The following ELFN2 variants were observed in gnomAD, a reference collection of about 807,000 sequenced individuals.
ELFN2 encodes protein phosphatase 1 regulatory subunit 29.
Under a neutral mutation model 45.5 loss-of-function variants are expected in ELFN2, and 17 were observed. The ratio of observed to expected loss-of-function variants is 0.37; its 90% CI spans 0.26 to 0.56. The LOEUF is 0.56. Among genes scored for constraint, ELFN2 ranks in the 20% least tolerant of loss-of-function variants. ELFN2 has a pLI of 0.77. For synonymous variants in ELFN2, 550 were observed against 551.5 expected, an observed-to-expected ratio of 1.00 and a Z score of 0.04; for missense variants, 922 against 1,183.2, an observed-to-expected ratio of 0.78 and a Z score of 3.24.
At chr22:37,385,948 C>A (rs1256345173) in intron 2 of ELFN2, among the ~76,000 whole-genome samples, 3 of 152,162 alleles carry the variant, frequency 2.0e-5, no homozygotes, top group Non-Finnish European at 4.4e-5. Context: ...TGTGGGTCAC[C>A]AATTCTACAG....
intron 1 of ELFN2, among the ~76,000 whole-genome samples, chr22:37,347,164 G>C (rs1930717260): frequency 6.6e-6 from 1 of 151,996 alleles, no homozygotes; most frequent in South Asian, 2.1e-4. Flanking sequence ...TTTTAGTAGA[G>C]ATGGGGGTTT....
At chr22:37,362,190 G>A (rs922535993) in intron 1 of ELFN2, among the ~76,000 whole-genome samples, 1 of 152,358 alleles carries the variant, frequency 6.6e-6, no homozygotes, top group African/African-American at 2.4e-5. Flanking sequence ...GTGGGGAAGA[G>A]CAGGGGGCTA....
chr22:37,410,420 A>G (rs774680011), intron 2 of ELFN2, among the ~76,000 whole-genome samples: 27 of 152,246 alleles, frequency 1.8e-4, no homozygotes, highest in Non-Finnish European at 4.0e-4. Context: ...CAGCCTGCCC[A>G]CGAGTGCGGG....
intron 1 of ELFN2, among the ~76,000 whole-genome samples, chr22:37,420,903 G>C (rs1932804883): frequency 6.6e-6 from 1 of 152,132 alleles, no homozygotes; most frequent in Non-Finnish European, 1.5e-5. Context: ...GGCTCCGGAG[G>C]GTTCTGGGAG....
At chr22:37,393,062 C>T (rs1932124174) in intron 2 of ELFN2, among the ~76,000 whole-genome samples, 1 of 152,206 alleles carries the variant, frequency 6.6e-6, no homozygotes, top group African/African-American at 2.4e-5. Context: ...CAGAGGGGGA[C>T]AGCGCCCAGG....
At chr22:37,357,990 T>C (rs537669202) in intron 1 of ELFN2, among the ~76,000 whole-genome samples, 1 of 152,302 alleles carries the variant, frequency 6.6e-6, no homozygotes, top group East Asian at 1.9e-4. Context: ...AAGCCCCATT[T>C]TCTCACTCAT....
At chr22:37,350,605 C>A (rs1295332284) in intron 1 of ELFN2, among the ~76,000 whole-genome samples, 1 of 150,736 alleles carries the variant, frequency 6.6e-6, no homozygotes, top group Non-Finnish European at 1.5e-5. Context: ...CGGGCCTGGT[C>A]CCCTGGAGGC....
downstream of ELFN2, among the ~76,000 whole-genome samples, chr22:37,365,700 C>G (rs1447124487): frequency 6.6e-6 from 1 of 152,182 alleles, no homozygotes; most frequent in Non-Finnish European, 1.5e-5. Flanking sequence ...GTTTGCAGCA[C>G]CCAGGTCCTT....
Position 37,375,529 on chromosome 22 carries a change from C to T in ELFN2, c.6G>A (p.Leu2=). ...GCGCCGCCGCGCACAGCCCCAGGCG[C>T]AGCATGGCGCTGGCCTCGGAGTGAG... M[L]RLGLCAAALL... Residue 2 remains leucine, a synonymous_variant, in exon 3 of 3, where the codon CTG becomes CTA. Coordinates refer to ENST00000402918, the MANE Select transcript of ELFN2 (RefSeq NM_052906.5). 1.3e-6 allele frequency: 2 copies of T among 1,550,396 alleles called. No homozygotes were observed. Among genetic ancestry groups the T allele is most frequent in the Non-Finnish European group, 1.7e-6 (2 of 1,147,208 alleles).
chr22:37,405,089 C>CTTTTTTTTT lies in ELFN2; in HGVS notation c.-463+12679_-463+12680insAAAAAAAAA, dbSNP rs1491573989. 2.0e-4 allele frequency among the ~76,000 whole-genome samples: 24 copies of CTTTTTTTTT among 121,536 alleles called. 1 individual carries two copies. Among genetic ancestry groups the CTTTTTTTTT allele is most frequent in the Non-Finnish European group, 2.9e-4 (18 of 61,032 alleles). The allele number at this position is 121,536 out of a possible 152,430, so 79.7% of individuals were successfully genotyped here. A position where few individuals can be genotyped will look rare whatever the true frequency, so the allele number is the denominator to read the frequency against. ...GGCCCCTCACCTCCCTGAACCTCAGCATTTTTTTTTTTTTTTTTTTTTTGA... is the reference window on the plus strand; with the variant it reads ...GGCCCCTCACCTCCCTGAACCTCAGCTTTTTTTTTATTTTTTTTTTTTTTTTTTTTTTGA... On this transcript the variant is annotated intron_variant, in intron 2 of 2. Coordinates refer to ENST00000402918, the MANE Select transcript of ELFN2 (RefSeq NM_052906.5).
rs149233557 is a variant in ELFN2, at chr22:37,372,462, C to T, written c.*610G>A. ...TCCACAAGAGAGCTGCAGGGGGTTC[C>T]GGGACAGCACTGGGCTGGGAAGTTG... On this transcript the variant is annotated 3_prime_UTR_variant, in exon 3 of 3. Transcript: ENST00000402918. This position sits in a 1 kb window ranked among gnomAD's most constrained non-coding sequence, Gnocchi z 4.4. 2.4e-3 allele frequency: 372 copies of T among 152,684 alleles called. 2 individuals are homozygous for T. Among genetic ancestry groups the T allele is most frequent in the Non-Finnish European group, 3.5e-3 (240 of 68,340 alleles). The allele number at this position is 152,684 out of a possible 1,614,324, so 9.5% of individuals were successfully genotyped here.
chr22:37,349,494 C>T (rs1344774910), intron 1 of ELFN2, among the ~76,000 whole-genome samples: 1 of 151,248 alleles, frequency 6.6e-6, no homozygotes, highest in Non-Finnish European at 1.5e-5. Flanking sequence ...GCGTCTGCTC[C>T]CTCCTACAGC....
chr22:37,426,015 T>C (rs1932845902), intron 1 of ELFN2, among the ~76,000 whole-genome samples: 1 of 150,906 alleles, frequency 6.6e-6, no homozygotes, highest in Admixed American at 6.6e-5. Context: ...AGCACCCCAC[T>C]CCCTCCAGCT....
chr22:37,362,011 C>T (rs1487226712), intron 1 of ELFN2, among the ~76,000 whole-genome samples: 2 of 152,220 alleles, frequency 1.3e-5, no homozygotes, highest in African/African-American at 2.4e-5. Flanking sequence ...GGTCATCTCT[C>T]ATGCCTAGGA....
chr22:37,397,758 C>T (rs1601760641), intron 2 of ELFN2, among the ~76,000 whole-genome samples: 1 of 151,886 alleles, frequency 6.6e-6, no homozygotes, highest in African/African-American at 2.4e-5. Context: ...CTTCTTCTTA[C>T]ATTGGATCCA....
chr22:37,375,496 G>A lies in ELFN2; in HGVS notation c.39C>T (p.Cys13=), dbSNP rs746804136. The A allele has an allele frequency of 9.5e-6, 15 of 1,580,512 alleles. No homozygotes were observed. Among genetic ancestry groups the A allele is most frequent in the African/African-American group, 2.7e-5 (2 of 74,036 alleles). The change falls in exon 3 of 3, where the codon TGC becomes TGT. Residue 13 remains cysteine, a synonymous_variant. Transcript: ENST00000402918. ...RLGLCAAALL[C]VCRPGAVRAD... ...CACGCACGGCACCCGGCCGGCACAC[G>A]CACAGCAGCGCCGCCGCGCACAGCC...
At chr22:37,357,893 G>T (rs1168146320) in intron 1 of ELFN2, among the ~76,000 whole-genome samples, 3 of 152,150 alleles carry the variant, frequency 2.0e-5, no homozygotes, top group Admixed American at 6.5e-5. Context: ...AGCAGCACGA[G>T]CGTGGCCACC....
At chr22:37,360,244 G>A (rs182509888) in intron 1 of ELFN2, among the ~76,000 whole-genome samples, 11 of 152,324 alleles carry the variant, frequency 7.2e-5, no homozygotes, top group African/African-American at 9.6e-5. Context: ...ATTTATGGGT[G>A]TAGAGGCAGC....
In ELFN2 at chr22:37,375,959, T is replaced by C. The variant is rs2145638343; in HGVS notation, c.-425A>G. 2 of 224,688 alleles carry C rather than the reference T, an allele frequency of 8.9e-6. No homozygotes were observed. The highest frequency in any genetic ancestry group is 1.9e-4 in the South Asian group (2 of 10,680). 13.9% of individuals were successfully genotyped at this position (224,688 alleles called of 1,614,324 possible). A position where few individuals can be genotyped will look rare whatever the true frequency, so the allele number is the denominator to read the frequency against. On this transcript the variant is annotated 5_prime_UTR_variant, in exon 3 of 3. Coordinates refer to ENST00000402918, the MANE Select transcript of ELFN2 (RefSeq NM_052906.5). ...CGCACTGAGCCAGGAGTGAGAGAGA[T>C]GGGGGCAGGAAGGAAGAGACCCATC...
Sources: gnomAD v4.1 joint callset for allele counts (sites outside exome capture counted in the v4.1 genomes callset) on GRCh38, gnomAD v4.1.1 for gene constraint, Gnocchi (gnomAD v3.1) non-coding constraint, MANE v1.5 for transcripts, NCBI Gene and HGNC (gene_info 2026-07-23, HGNC 2026-07-21) for gene names.